LARP1: variants seen among roughly 807,000 people sequenced by gnomAD.
LARP1 encodes the protein la-related protein 1.
In LARP1, 36 loss-of-function variants were observed where a neutral mutation model predicts 122.7. The observed-to-expected ratio is 0.29, with a 90% confidence interval of 0.22 to 0.39. LARP1 has a LOEUF of 0.39. Ranked by LOEUF, LARP1 falls within the 10% of genes least tolerant of loss-of-function variation. The pLI is 1.00. For missense variants in LARP1, 1,040 were observed against 1,403.6 expected, an observed-to-expected ratio of 0.74 and a Z score of 4.14; for synonymous variants, 539 against 528.7, an observed-to-expected ratio of 1.02 and a Z score of -0.27.
chr5:154,692,469 C>T (rs1352541894), intron 1 of LARP1, among the ~76,000 whole-genome samples: 2 of 152,130 alleles, frequency 1.3e-5, no homozygotes, highest in Non-Finnish European at 2.9e-5. Flanking sequence ...CCACATTTGG[C>T]TACCACCTCC....
Position 154,802,105 on chromosome 5 carries a change from G to T in LARP1, c.1815G>T (p.Leu605=). 1 of 1,614,156 alleles carries T rather than the reference G, an allele frequency of 6.2e-7. No homozygotes were observed. The part of the protein sequence containing the change: ...MSKDQDEQEE[L]DFLFDEEMEQ... ...AGGATCAGGATGAGCAAGAGGAACT[G>T]GATTTTCTGTTTGACGAGGAGATGG... Residue 605 remains leucine (L), a synonymous_variant, in exon 11 of 19, where the codon CTG becomes CTT. Transcript: ENST00000518297. The surrounding 1 kb of genome is among the most constrained non-coding windows in gnomAD (Gnocchi z 5.1).
At chr5:154,791,599 GT>G (rs1255681623) in intron 3 of LARP1, among the ~76,000 whole-genome samples, 1 of 152,202 alleles carries the variant, frequency 6.6e-6, no homozygotes, top group Admixed American at 6.5e-5. Flanking sequence ...CCTTTGCTTT[GT>G]TAGAGACTGC....
intron 10 of LARP1, among the ~76,000 whole-genome samples, chr5:154,800,999 CAG>C (rs746689039): frequency 2.0e-5 from 3 of 152,154 alleles, no homozygotes; most frequent in Non-Finnish European, 4.4e-5. Flanking sequence ...TTGTTTGAAA[CAG>C]GGGTCAGACT....
In LARP1 at chr5:154,814,330, T is replaced by G. The variant is rs1054723166; in HGVS notation, c.*234T>G. The G allele has an allele frequency of 1.8e-5, 7 of 388,250 alleles. No homozygotes were observed. The highest frequency in any genetic ancestry group is 5.9e-5 in the South Asian group (1 of 17,030). The allele number at this position is 388,250 out of a possible 1,614,324, so 24.1% of individuals were successfully genotyped here. A position where few individuals can be genotyped will look rare whatever the true frequency, so the allele number is the denominator to read the frequency against. On this transcript the variant is annotated 3_prime_UTR_variant, in exon 19 of 19. Coordinates refer to ENST00000518297, the MANE Select transcript of LARP1 (RefSeq NM_033551.3). ...CTCCATGACTCTTGACATCCTAGCT[T>G]CTTCTAAGGGGGGAGGGAAAGGGGG...
chr5:154,708,496 G>A (rs561942383), upstream of LARP1, among the ~76,000 whole-genome samples: 1 of 152,334 alleles, frequency 6.6e-6, no homozygotes, highest in Non-Finnish European at 1.5e-5. Flanking sequence ...CTGTGTATAA[G>A]AGAAGACATG....
chr5:154,784,040 C>T (rs544519378), intron 1 of LARP1, among the ~76,000 whole-genome samples: 1 of 152,370 alleles, frequency 6.6e-6, no homozygotes, highest in African/African-American at 2.4e-5. Context: ...CTGCGTTCCT[C>T]TGGGAGCCAG....
At chr5:154,728,946 C>T (rs1400890896) in intron 1 of LARP1, among the ~76,000 whole-genome samples, 1 of 152,094 alleles carries the variant, frequency 6.6e-6, no homozygotes, top group African/African-American at 2.4e-5. Flanking sequence ...GGAAATGGGC[C>T]CTCTCAGGTG....
chr5:154,709,738 A>C (rs1311369188), upstream of LARP1, among the ~76,000 whole-genome samples: 1 of 151,638 alleles, frequency 6.6e-6, no homozygotes, highest in African/African-American at 2.4e-5. Context: ...TGAGCGGGCC[A>C]CGTATGGACT....
chr5:154,757,277 C>G (rs968472241), intron 1 of LARP1: 2 of 152,070 alleles, frequency 1.3e-5, no homozygotes, highest in Admixed American at 6.6e-5. Context: ...GACCGTGCCC[C>G]TTTCCGGGGG....
intron 1 of LARP1, among the ~76,000 whole-genome samples, chr5:154,778,781 A>G (rs1246492426): frequency 1.3e-5 from 2 of 152,196 alleles, no homozygotes; most frequent in Non-Finnish European, 2.9e-5. Flanking sequence ...TCACTCTTCC[A>G]CTTTCAGTTT....
intron 1 of LARP1, among the ~76,000 whole-genome samples, chr5:154,687,787 C>CG (rs11403774): frequency 0.76 from 115,284 of 152,052 alleles, 44,192 homozygotes; most frequent in African/African-American, 0.88. Context: ...CAGGATAACA[C>CG]GAGAGAACCT....
chr5:154,762,155 A>G (rs1325709442), intron 1 of LARP1, among the ~76,000 whole-genome samples: 1 of 152,162 alleles, frequency 6.6e-6, no homozygotes, highest in African/African-American at 2.4e-5. Flanking sequence ...AGGCAGGAGA[A>G]TTGCTCGAAC....
intron 1 of LARP1, among the ~76,000 whole-genome samples, chr5:154,783,988 T>C (rs1006227035): frequency 2.0e-5 from 3 of 152,198 alleles, no homozygotes; most frequent in Admixed American, 1.3e-4. Flanking sequence ...AGCACTGATA[T>C]CAGGCAGTTG....
intron 4 of LARP1, among the ~76,000 whole-genome samples, chr5:154,793,052 T>A (rs921174457): frequency 1.3e-5 from 2 of 152,226 alleles, no homozygotes; most frequent in Non-Finnish European, 2.9e-5. Context: ...GATAAAACTT[T>A]CTTTCTTTGA....
At chr5:154,812,605 C>T (rs1481782303) in intron 18 of LARP1, among the ~76,000 whole-genome samples, 3 of 149,102 alleles carry the variant, frequency 2.0e-5, no homozygotes, top group Admixed American at 6.8e-5. Context: ...CTGCAACCTC[C>T]GCCTCCCGGG....
At chr5:154,812,914 C>A (rs1231942111) in intron 18 of LARP1, among the ~76,000 whole-genome samples, 1 of 152,120 alleles carries the variant, frequency 6.6e-6, no homozygotes. Flanking sequence ...ATTATCTCCA[C>A]CTGGTCCCTC....
chr5:154,775,211 G>T (rs1755770412), intron 1 of LARP1, among the ~76,000 whole-genome samples: 1 of 152,184 alleles, frequency 6.6e-6, no homozygotes, highest in Admixed American at 6.5e-5. Flanking sequence ...GATCCAGGAA[G>T]ATCGTGTGAG....
intron 1 of LARP1, among the ~76,000 whole-genome samples, chr5:154,699,364 C>T (rs1340930644): frequency 1.2e-4 from 18 of 152,068 alleles, no homozygotes; most frequent in Admixed American, 1.2e-3. Context: ...GCCATGGGCT[C>T]TGCATTTTAA....
At chr5:154,745,423 G>C (rs1342565199) in intron 1 of LARP1, among the ~76,000 whole-genome samples, 1 of 152,156 alleles carries the variant, frequency 6.6e-6, no homozygotes, top group Non-Finnish European at 1.5e-5. Context: ...TATGATAATA[G>C]CAAACATTTA....
Sources: gnomAD v4.1 joint callset for allele counts (sites outside exome capture counted in the v4.1 genomes callset) on GRCh38, gnomAD v4.1.1 for gene constraint, Gnocchi (gnomAD v3.1) non-coding constraint, MANE v1.5 for transcripts, NCBI Gene and HGNC (gene_info 2026-07-23, HGNC 2026-07-21) for gene names.